Variants in CCDC178 observed in about 807,000 individuals in gnomAD.
The protein encoded by CCDC178 is coiled-coil domain containing 178, also known as coiled-coil domain-containing protein 178.
A neutral mutation model predicts 117.4 loss-of-function variants in CCDC178; 126 were observed. The ratio of observed to expected loss-of-function variants is 1.07; its 90% CI spans 0.93 to 1.24. The LOEUF (loss-of-function observed/expected upper bound fraction) is 1.24, where lower values mean the gene tolerates loss of function less well. Among genes scored for constraint, CCDC178 ranks in the 50% most tolerant of loss-of-function variants. The pLI is 0.00. For missense variants in CCDC178, 1,030 were observed against 986.9 expected, an observed-to-expected ratio of 1.04 and a Z score of -0.59; for synonymous variants, 283 against 313.4, an observed-to-expected ratio of 0.90 and a Z score of 1.02.
chr18:33,108,233 C>A (rs1223117418), intron 20 of CCDC178, among the ~76,000 whole-genome samples: 1 of 151,534 alleles, frequency 6.6e-6, no homozygotes, highest in East Asian at 1.9e-4. Flanking sequence ...ATATCTATGT[C>A]ATTATTGCTT....
chr18:33,316,912 G>A (rs556532211), intron 11 of CCDC178, among the ~76,000 whole-genome samples: 2 of 151,980 alleles, frequency 1.3e-5, no homozygotes, highest in South Asian at 4.2e-4. Flanking sequence ...AATCTAGTGG[G>A]GACATGGAGA....
At chr18:33,120,553 A>C (rs1175934979) in intron 20 of CCDC178, among the ~76,000 whole-genome samples, 2 of 152,150 alleles carry the variant, frequency 1.3e-5, no homozygotes, top group African/African-American at 2.4e-5. Context: ...CCACTGAAAT[A>C]AAGGTTTGGG....
chr18:33,215,315 G>A (rs961763337), intron 19 of CCDC178, among the ~76,000 whole-genome samples: 1 of 151,832 alleles, frequency 6.6e-6, no homozygotes, highest in African/African-American at 2.4e-5. Flanking sequence ...CTTGGAAAGG[G>A]AGAAACATTT....
At chr18:33,200,906 G>T (rs1324019205) in intron 20 of CCDC178, among the ~76,000 whole-genome samples, 1 of 152,084 alleles carries the variant, frequency 6.6e-6, no homozygotes, top group Non-Finnish European at 1.5e-5. Context: ...GACAACACAT[G>T]ACTTCAAAAT....
chr18:33,184,800 A>C (rs1456225401), intron 20 of CCDC178, among the ~76,000 whole-genome samples: 4 of 152,084 alleles, frequency 2.6e-5, no homozygotes, highest in Non-Finnish European at 2.9e-5. Context: ...AAATGTGTGC[A>C]GTTATTAACA....
chr18:33,349,289 A>G (rs1203934294), intron 7 of CCDC178, among the ~76,000 whole-genome samples: 1 of 151,934 alleles, frequency 6.6e-6, no homozygotes, highest in African/African-American at 2.4e-5. Context: ...ATTCTGTGAG[A>G]ATAATTTGGA....
chr18:33,427,731 A>G (rs1803827805), intron 2 of CCDC178, among the ~76,000 whole-genome samples: 1 of 152,172 alleles, frequency 6.6e-6, no homozygotes, highest in Non-Finnish European at 1.5e-5. Context: ...TATATCCACA[A>G]AGATATCTCA....
chr18:33,087,402 C>T (rs1473232254), intron 21 of CCDC178, among the ~76,000 whole-genome samples: 1 of 152,062 alleles, frequency 6.6e-6, no homozygotes, highest in Non-Finnish European at 1.5e-5. Flanking sequence ...CTCGGGCATC[C>T]CCAAAGCTCT....
intron 10 of CCDC178, among the ~76,000 whole-genome samples, chr18:33,325,298 A>C (rs538775957): frequency 6.6e-6 from 1 of 152,114 alleles, no homozygotes; most frequent in African/African-American, 2.4e-5. Flanking sequence ...TTTTTTAATC[A>C]TGTTAATACA....
At chr18:33,006,924 A>T (rs1161936327) in intron 21 of CCDC178, among the ~76,000 whole-genome samples, 1 of 152,058 alleles carries the variant, frequency 6.6e-6, no homozygotes, top group Non-Finnish European at 1.5e-5. Flanking sequence ...CTAAGCTCCA[A>T]AAAGGAACAC....
At position 33,211,756 on chromosome 18, in the gene CCDC178, C is replaced by A. The variant is rs923364320; in HGVS notation, c.2238+140G>T. ...TACTTAGAAGAAACAATGAAAACTT[C>A]CAGGTTTATTATGTTAACAAATTTA... On this transcript the variant is annotated intron_variant, in intron 20 of 22. Transcript: ENST00000383096. 19 of 621,226 alleles carry A rather than the reference C, an allele frequency of 3.1e-5. No individual in the cohort carries two copies. In the African/African-American group the frequency reaches 3.5e-4, roughly 11 times the overall value. 38.5% of individuals were successfully genotyped at this position (621,226 alleles called of 1,614,324 possible).
At chr18:33,082,236 C>T (rs2057309085) in intron 21 of CCDC178, among the ~76,000 whole-genome samples, 1 of 152,034 alleles carries the variant, frequency 6.6e-6, no homozygotes, top group East Asian at 1.9e-4. Context: ...TTTGGGAGGC[C>T]GAGGCAGGCA....
intron 21 of CCDC178, among the ~76,000 whole-genome samples, chr18:32,976,119 G>GA (rs1484861997): frequency 3.3e-5 from 5 of 152,060 alleles, no homozygotes; most frequent in African/African-American, 1.2e-4. Context: ...ACTAAATGCT[G>GA]AATTACATTG....
chr18:33,089,856 A>C (rs2057436293), intron 21 of CCDC178, among the ~76,000 whole-genome samples: 1 of 152,158 alleles, frequency 6.6e-6, no homozygotes, highest in African/African-American at 2.4e-5. Flanking sequence ...GTCTATATTC[A>C]CACGGAAGTA....
intron 21 of CCDC178, among the ~76,000 whole-genome samples, chr18:33,018,817 T>C (rs1479039898): frequency 6.6e-6 from 1 of 152,100 alleles, no homozygotes; most frequent in Non-Finnish European, 1.5e-5. Flanking sequence ...GTGGTGATGG[T>C]TGTACAAATC....
intron 9 of CCDC178, among the ~76,000 whole-genome samples, chr18:33,337,937 G>C (rs974628130): frequency 6.6e-6 from 1 of 152,128 alleles, no homozygotes; most frequent in Non-Finnish European, 1.5e-5. Flanking sequence ...AAAAGCTTCT[G>C]CTCAGCAAAA....
At chr18:33,074,750 A>G (rs1198617049) in intron 21 of CCDC178, among the ~76,000 whole-genome samples, 1 of 152,192 alleles carries the variant, frequency 6.6e-6, no homozygotes, top group East Asian at 1.9e-4. Flanking sequence ...GATACACCCT[A>G]TGGGGTTTGA....
chr18:33,326,739 C>T (rs2062589650), intron 10 of CCDC178, among the ~76,000 whole-genome samples: 1 of 151,636 alleles, frequency 6.6e-6, no homozygotes, highest in Non-Finnish European at 1.5e-5. Flanking sequence ...ATATTGCATA[C>T]CTTCTCGGTG....
At chr18:33,237,780 C>CAA (rs57087942) in intron 15 of CCDC178, among the ~76,000 whole-genome samples, 1,805 of 145,618 alleles carry the variant, frequency 0.012, 26 homozygotes, top group African/African-American at 0.043. Flanking sequence ...CTGAAAAAAA[C>CAA]AAAAAAAAAA....
Sources: gnomAD v4.1 joint callset for allele counts (sites outside exome capture counted in the v4.1 genomes callset) on GRCh38, gnomAD v4.1.1 for gene constraint, MANE v1.5 for transcripts, NCBI Gene and HGNC (gene_info 2026-07-23, HGNC 2026-07-21) for gene names.